The following FGF3 variants were observed in gnomAD, a reference collection of about 807,000 sequenced individuals.
FGF3 encodes FGF-3.
Under a neutral mutation model 9.8 loss-of-function variants are expected in FGF3, and 7 were observed. That is an observed-to-expected ratio of 0.72 (90% confidence interval 0.41 to 1.35). The LOEUF (loss-of-function observed/expected upper bound fraction) is 1.35. FGF3 is among the 40% of genes most tolerant of loss of function. FGF3 has a pLI of 0.01. For missense variants in FGF3, 390 were observed against 345.6 expected, an observed-to-expected ratio of 1.13 and a Z score of -1.02; for synonymous variants, 173 against 157.2, an observed-to-expected ratio of 1.10 and a Z score of -0.75.
rs782088933 is a variant in FGF3 at position 69,810,017 on chromosome 11, C to T, written c.*288G>A. 41 of 434,998 alleles carry T rather than the reference C, an allele frequency of 9.4e-5. No homozygotes were observed. Among genetic ancestry groups the T allele is most frequent in the Non-Finnish European group, 2.4e-5 (6 of 245,942 alleles). The allele number at this position is 434,998 out of a possible 1,614,324, so 26.9% of individuals were successfully genotyped here. ...GATGACACAAAGCCCCACACTGCCC[C>T]GCTGCTCCTGGGAGGCTCCTCAGTC... On this transcript the variant is annotated 3_prime_UTR_variant, in exon 3 of 3. Coordinates refer to ENST00000334134, the MANE Select transcript of FGF3 (RefSeq NM_005247.4).
At chr11:69,813,888 GTGGATGGC>G (rs1856082637) in intron 2 of FGF3, among the ~76,000 whole-genome samples, 1 of 84,738 alleles carries the variant, frequency 1.2e-5, no homozygotes, top group Non-Finnish European at 2.6e-5. Flanking sequence ...GGATGGATGG[GTGGATGGC>G]TGGATGGATG....
chr11:69,813,718 AGGTGGATGGATGGATG>A (rs1856069134), intron 2 of FGF3, among the ~76,000 whole-genome samples: 1 of 34,264 alleles, frequency 2.9e-5, no homozygotes, highest in Non-Finnish European at 6.0e-5. Context: ...ATGGATGGAT[AGGTGGATGGATGGATG>A]GGTGGATGGC....
chr11:69,813,159 T>G (rs1171820359), intron 2 of FGF3, among the ~76,000 whole-genome samples: 1 of 152,112 alleles, frequency 6.6e-6, no homozygotes, highest in African/African-American at 2.4e-5. Context: ...GAAGCTGCTT[T>G]GTTGAGGAGG....
At chr11:69,818,565 C>T (rs1856181125) in intron 1 of FGF3, 149 bp downstream of exon 1, 2 of 522,358 alleles carry the variant, frequency 3.8e-6, no homozygotes, top group Non-Finnish European at 6.2e-6. Context: ...ACGGTCTTTT[C>T]CCGGACACCC....
intron 2 of FGF3, among the ~76,000 whole-genome samples, chr11:69,810,938 T>C (rs188175484): frequency 5.4e-4 from 83 of 152,352 alleles, no homozygotes; most frequent in Non-Finnish European, 1.0e-3. Context: ...CACTCAAAGC[T>C]GTGCCAGACA....
intron 2 of FGF3, among the ~76,000 whole-genome samples, chr11:69,811,589 G>A (rs1565114100): frequency 6.6e-6 from 1 of 152,198 alleles, no homozygotes. Flanking sequence ...TGCGCTCAGG[G>A]GCCCCAGCTG....
Position 69,816,333 on chromosome 11 carries a change from C to T in FGF3, c.311G>A (p.Arg104Gln), listed in dbSNP as rs150581924. Residue 104 changes from arginine to glutamine, a missense_variant, in exon 2 of 3, where the codon CGA becomes CAA. By Grantham distance (43) the Arg-to-Gln change is conservative (BLOSUM62 1). Transcript: ENST00000334134. ...GCCTGGACTCACCGAAGCATAGAGT[C>T]GTCCCCTCTTGTTCATGGCCAGGTA... ...GRYLAMNKRG[R>Q]LYASEHYSAE... The T allele has an allele frequency of 2.6e-5, 42 of 1,613,522 alleles. No homozygotes were observed. The highest frequency in any genetic ancestry group is 3.4e-5 in the Non-Finnish European group (40 of 1,179,582).
At chr11:69,818,170 G>A (rs1856171971) in intron 1 of FGF3, among the ~76,000 whole-genome samples, 1 of 152,308 alleles carries the variant, frequency 6.6e-6, no homozygotes, top group South Asian at 2.1e-4. Flanking sequence ...GGCAGCAGCG[G>A]GGGCGGCCAC....
At chr11:69,811,243 T>C (rs1856024804) in intron 2 of FGF3, among the ~76,000 whole-genome samples, 1 of 150,542 alleles carries the variant, frequency 6.6e-6, no homozygotes. Flanking sequence ...AGGTCAGGAG[T>C]TCGAGACCAG....
rs782612620 is a variant in FGF3 at position 69,810,337 on chromosome 11, G to C, written c.688C>G (p.Leu230Val). The change falls in exon 3 of 3, where the codon CTG (leucine) becomes GTG (valine). Residue 230 changes from leucine to valine, a missense_variant. Transcript: ENST00000334134. The part of the protein sequence containing the change: ...LEPSHVQASR[L>V]GSQLEASAH The stretch of plus-strand genomic sequence containing the variant: ...GCACTGGCCTCCAGCTGGGAGCCCA[G>C]TCTCGAAGCCTGAACGTGAGAGGGC... 2.7e-5 allele frequency: 43 copies of C among 1,568,924 alleles called. No individual in the cohort carries two copies. Among genetic ancestry groups the C allele is most frequent in the African/African-American group, 5.4e-5 (4 of 73,910 alleles).
intron 2 of FGF3, among the ~76,000 whole-genome samples, chr11:69,812,101 A>C (rs1476866149): frequency 6.6e-6 from 1 of 152,124 alleles, no homozygotes; most frequent in Non-Finnish European, 1.5e-5. Context: ...GCTCCCTCCA[A>C]ACCAGAAAGG....
rs1373081930 is a variant in FGF3, at chr11:69,819,312, T to A, written c.-379A>T. The stretch of plus-strand genomic sequence containing the variant: ...GTGGGGAGCCCCGCGGGGCTCGGGG[T>A]TCGGGCCGGGCGCCGTCTGCATACA... On this transcript the variant is annotated 5_prime_UTR_variant, in exon 1 of 3. Coordinates refer to ENST00000334134, the MANE Select transcript of FGF3 (RefSeq NM_005247.4). Among the ~76,000 whole-genome samples the A allele has an allele frequency of 6.8e-6, 1 of 148,092 alleles. No individual in the cohort carries two copies. Among genetic ancestry groups the A allele is most frequent in the African/African-American group, 2.5e-5 (1 of 40,012 alleles).
chr11:69,812,046 G>A lies in FGF3; in HGVS notation c.325-1346C>T, dbSNP rs148748712. Among the ~76,000 whole-genome samples the A allele has an allele frequency of 2.3e-3, 343 of 152,318 alleles. 2 individuals are homozygous for A. The highest frequency in any genetic ancestry group is 7.7e-3 in the African/African-American group (321 of 41,570). On this transcript the variant is annotated intron_variant, in intron 2 of 2. Transcript: ENST00000334134. ...CTTCAGTCCCAGCTACAGGCAAGTG[G>A]TAATGCCTAGGGCCACCTCCCTCAG... is the stretch of plus-strand genomic sequence containing the variant.
At position 69,810,224 on chromosome 11, in the gene FGF3, G is replaced by T. The variant is rs1856000525; in HGVS notation, c.*81C>A. 2 of 1,331,174 alleles carry T rather than the reference G, an allele frequency of 1.5e-6. No individual in the cohort carries two copies. Among genetic ancestry groups the T allele is most frequent in the Non-Finnish European group, 2.0e-6 (2 of 986,006 alleles). The allele number at this position is 1,331,174 out of a possible 1,614,324, so 82.5% of individuals were successfully genotyped here. ...CCCAGACGCGGGACGCAGGGGCAAG[G>T]GCTCAAGGAGGAGAGTCAGAGTCAA... On this transcript the variant is annotated 3_prime_UTR_variant, in exon 3 of 3. Transcript: ENST00000334134.
intron 2 of FGF3, among the ~76,000 whole-genome samples, chr11:69,813,925 T>G: frequency 2.0e-5 from 2 of 99,924 alleles, no homozygotes; most frequent in African/African-American, 3.9e-5. Flanking sequence ...GCTGGATGGA[T>G]TGGTGGATGG....
At position 69,818,964 on chromosome 11, in the gene FGF3, C is replaced by A. The variant is rs2119941216; in HGVS notation, c.-31G>T. On this transcript the variant is annotated 5_prime_UTR_variant, in exon 1 of 3. Coordinates refer to ENST00000334134, the MANE Select transcript of FGF3 (RefSeq NM_005247.4). Reference sequence around the variant, plus strand: ...CATCGCGCCCGCCCCGCGGCGGCGGCGGCTGCAGGCGAGCGCGGCGCCCAT... The same window carrying A: ...CATCGCGCCCGCCCCGCGGCGGCGGAGGCTGCAGGCGAGCGCGGCGCCCAT... 1 of 1,404,838 alleles carries A rather than the reference C, an allele frequency of 7.1e-7. No homozygotes were observed. Among genetic ancestry groups the A allele is most frequent in the Non-Finnish European group, 9.4e-7 (1 of 1,066,332 alleles). The allele number at this position is 1,404,838 out of a possible 1,614,324, so 87.0% of individuals were successfully genotyped here. A position where few individuals can be genotyped will look rare whatever the true frequency, so the allele number is the denominator to read the frequency against.
intron 2 of FGF3, among the ~76,000 whole-genome samples, chr11:69,814,814 A>C (rs1554980915): frequency 6.6e-6 from 1 of 152,192 alleles, no homozygotes; most frequent in Non-Finnish European, 1.5e-5. Context: ...CACCCTTCTC[A>C]AAGCCAGGCT....
intron 1 of FGF3, 99 bp downstream of exon 1, chr11:69,818,615 G>C: frequency 1.1e-6 from 1 of 884,738 alleles, no homozygotes; most frequent in Non-Finnish European, 1.6e-6. Flanking sequence ...ACCCCTCCCC[G>C]GCGCCGCCTC....
intron 1 of FGF3, among the ~76,000 whole-genome samples, chr11:69,818,345 A>T (rs1178954453): frequency 6.6e-6 from 1 of 152,176 alleles, no homozygotes; most frequent in African/African-American, 2.4e-5. Flanking sequence ...TGCCCAAAGC[A>T]GCAGAGCCTG....
Sources: allele counts gnomAD v4.1 joint callset (sites outside exome capture counted in the v4.1 genomes callset), GRCh38; gene constraint gnomAD v4.1.1; transcripts MANE v1.5; gene names NCBI Gene and HGNC (gene_info 2026-07-23, HGNC 2026-07-21).